Variants in PREX1 observed in about 807,000 individuals in gnomAD.
PREX1 encodes the protein phosphatidylinositol 3,4,5-trisphosphate-dependent Rac exchanger 1 protein.
PREX1 carries 41 observed loss-of-function variants against 198.3 expected under a neutral mutation model. That is an observed-to-expected ratio of 0.21 (90% CI 0.16 to 0.27). The LOEUF (loss-of-function observed/expected upper bound fraction) is 0.27. Ranked by LOEUF, PREX1 falls within the 10% of genes least tolerant of loss-of-function variation. The pLI is 1.00. For missense variants in PREX1, 1,620 were observed against 2,200.7 expected, an observed-to-expected ratio of 0.74 and a Z score of 5.28; for synonymous variants, 843 against 887.2, an observed-to-expected ratio of 0.95 and a Z score of 0.89.
intron 1 of PREX1, among the ~76,000 whole-genome samples, chr20:48,765,578 C>A (rs1025970831): frequency 6.6e-6 from 1 of 152,186 alleles, no homozygotes; most frequent in African/African-American, 2.4e-5. Context: ...CTCCTACACC[C>A]CCATTTCACA....
intron 19 of PREX1, among the ~76,000 whole-genome samples, chr20:48,654,225 G>A (rs558998480): frequency 6.6e-6 from 1 of 152,246 alleles, no homozygotes; most frequent in Admixed American, 6.5e-5. Context: ...GGGTCGCGGG[G>A]AGATCCGACG....
chr20:48,668,811 C>A (rs1025713677), intron 14 of PREX1, among the ~76,000 whole-genome samples: 2 of 152,192 alleles, frequency 1.3e-5, no homozygotes, highest in Non-Finnish European at 2.9e-5. Flanking sequence ...CAGCCTCCCC[C>A]ACGCCGTGAG....
Position 48,734,670 on chromosome 20 carries a change from C to G in PREX1, c.415-20G>C, listed in dbSNP as rs371134303. On this transcript the variant is annotated intron_variant, in intron 3 of 39. Transcript: ENST00000371941. ...GTCCTTCTGCAAGACAAGGACAGAGCCTGTGGGAGGCAGGTCATGGTAGCA... is the reference window on the plus strand; with the variant it reads ...GTCCTTCTGCAAGACAAGGACAGAGGCTGTGGGAGGCAGGTCATGGTAGCA... 1.2e-6 allele frequency: 2 copies of G among 1,607,946 alleles called. No individual in the cohort carries two copies. Among genetic ancestry groups the G allele is most frequent in the African/African-American group, 2.7e-5 (2 of 74,800 alleles).
At position 48,753,356 on chromosome 20, in the gene PREX1, G is replaced by A. The variant is rs113752890; in HGVS notation, c.220-5476C>T. ...GATGCCAGGCCAGGTCTCACCTGTCGCCCTAACCTGAGCCCAGTGGTTCTC... is the reference window on the plus strand; with the variant it reads ...GATGCCAGGCCAGGTCTCACCTGTCACCCTAACCTGAGCCCAGTGGTTCTC... On this transcript the variant is annotated intron_variant, in intron 1 of 39. Transcript: ENST00000371941. 6.7e-3 allele frequency among the ~76,000 whole-genome samples: 1,014 copies of A among 152,242 alleles called. 12 individuals carry two copies. The highest frequency in any genetic ancestry group is 0.045 in the East Asian group (233 of 5,188).
At position 48,746,997 on chromosome 20, in the gene PREX1, CACACACACACACA is replaced by C. The variant is rs1568848695; in HGVS notation, c.291+799_291+811del. Among the ~76,000 whole-genome samples the C allele has an allele frequency of 1.7e-3, 183 of 109,930 alleles. 1 individual carries two copies. The highest frequency in any genetic ancestry group is 6.1e-3 in the South Asian group (21 of 3,426). The allele number at this position is 109,930 out of a possible 152,430, so 72.1% of individuals were successfully genotyped here. Reference sequence around the variant, plus strand: ...ACACACACACACACACACACACACACACACACACACACACCCCACCCCCAGGAGGAGCCATGCA... The same window carrying C: ...ACACACACACACACACACACACACACCCCCACCCCCAGGAGGAGCCATGCA... On this transcript the variant is annotated intron_variant, in intron 2 of 39. Transcript: ENST00000371941.
the PREX1 span, among the ~76,000 whole-genome samples, chr20:48,887,168 C>T: frequency 2.0e-5 from 3 of 152,194 alleles, no homozygotes; most frequent in Non-Finnish European, 2.9e-5. Context: ...TATTACTGAT[C>T]AGCCTCATAA....
intron 3 of PREX1, 25 bp downstream of exon 3, chr20:48,745,000 C>T (rs1163592839): frequency 6.2e-7 from 1 of 1,611,520 alleles, no homozygotes; most frequent in South Asian, 1.1e-5. Flanking sequence ...CTAGAGTCCA[C>T]CAGGGGCAGT....
rs561209793 is a variant in PREX1 at position 48,777,741 on chromosome 20, C to T, written c.220-29861G>A. ...ATCCACATCTGTAAAATGGGCATAA[C>T]GACAGCAGTACTCTGTAGTGACAAA... On this transcript the variant is annotated intron_variant, in intron 1 of 39. Coordinates refer to ENST00000371941, the MANE Select transcript of PREX1 (RefSeq NM_020820.4). Among the ~76,000 whole-genome samples, 23 of 152,266 alleles carry T rather than the reference C, an allele frequency of 1.5e-4. No individual in the cohort carries two copies. In the South Asian group the frequency reaches 2.9e-3, roughly 19 times the overall value.
At chr20:48,717,171 C>G (rs2089965743) in intron 5 of PREX1, among the ~76,000 whole-genome samples, 1 of 152,168 alleles carries the variant, frequency 6.6e-6, no homozygotes, top group Admixed American at 6.5e-5. Context: ...ACCCACCATT[C>G]TCTGTGACTT....
chr20:48,650,308 C>A, intron 23 of PREX1, 102 bp from the exon 24 acceptor site: 1 of 1,132,914 alleles, frequency 8.8e-7, no homozygotes, highest in South Asian at 1.3e-5. Flanking sequence ...CCAGATGCCC[C>A]ACAGTTGGAC....
intron 19 of PREX1, among the ~76,000 whole-genome samples, 198 bp downstream of exon 19, chr20:48,655,092 G>T (rs2089532039): frequency 6.6e-6 from 1 of 152,144 alleles, no homozygotes; most frequent in South Asian, 2.1e-4. Flanking sequence ...TCTTCCACTG[G>T]GATGGCTACC....
rs1254130018 is a variant in PREX1, at chr20:48,760,637, C to G, written c.220-12757G>C. On this transcript the variant is annotated intron_variant, in intron 1 of 39. Transcript: ENST00000371941. ...GGAAAAAGTGGCAGAAAGGCTGAGC[C>G]AGGAGAGGGAGGCTGGACTAGGAAA... Among the ~76,000 whole-genome samples the G allele has an allele frequency of 3.3e-5, 5 of 152,054 alleles. No individual in the cohort carries two copies. The East Asian group carries it at 9.6e-4, about 29-fold the overall frequency.
At chr20:48,631,693 C>T (rs1188653959) in intron 35 of PREX1, among the ~76,000 whole-genome samples, 5 of 152,160 alleles carry the variant, frequency 3.3e-5, no homozygotes, top group Non-Finnish European at 5.9e-5. Flanking sequence ...TCTTAATTCT[C>T]GGCCTGCCTC....
intron 1 of PREX1, among the ~76,000 whole-genome samples, chr20:48,773,266 CAAAAAAAAAAAAA>C (rs55740822): frequency 1.1e-4 from 7 of 65,882 alleles, no homozygotes; most frequent in East Asian, 9.7e-4. Context: ...GACTTGGTCT[CAAAAAAAAAAAAA>C]AAAAAAAAAA....
At chr20:48,872,622 T>C in the PREX1 span, among the ~76,000 whole-genome samples, 2 of 152,168 alleles carry the variant, frequency 1.3e-5, no homozygotes, top group Non-Finnish European at 2.9e-5. Context: ...GCCAGGCACC[T>C]GTAATTCCAA....
chr20:48,867,004 G>A, the PREX1 span, among the ~76,000 whole-genome samples: 1 of 152,132 alleles, frequency 6.6e-6, no homozygotes, highest in African/African-American at 2.4e-5. Flanking sequence ...ACTTTTAGCA[G>A]CTCCCCACTT....
the PREX1 span, among the ~76,000 whole-genome samples, chr20:48,879,050 A>G: frequency 6.6e-6 from 1 of 152,216 alleles, no homozygotes; most frequent in African/African-American, 2.4e-5. Context: ...CCCTGGATTC[A>G]GCCATGCCTG....
chr20:48,886,180 T>C, the PREX1 span, among the ~76,000 whole-genome samples: 1 of 152,180 alleles, frequency 6.6e-6, no homozygotes, highest in Non-Finnish European at 1.5e-5. Flanking sequence ...GGGGGTATGT[T>C]GAAAATTTCT....
chr20:48,640,706 G>T (rs1016756274), intron 29 of PREX1, among the ~76,000 whole-genome samples: 2 of 152,184 alleles, frequency 1.3e-5, no homozygotes, highest in Non-Finnish European at 2.9e-5. Flanking sequence ...CCTGGCACAA[G>T]CTGGTTCTGG....
Sources: gnomAD v4.1 joint callset for allele counts (sites outside exome capture counted in the v4.1 genomes callset) on GRCh38, gnomAD v4.1.1 for gene constraint, MANE v1.5 for transcripts, NCBI Gene and HGNC (gene_info 2026-07-23, HGNC 2026-07-21) for gene names.